The following ZEB2 variants were observed in gnomAD, a reference collection of about 807,000 sequenced individuals.
The protein encoded by ZEB2 is zinc finger E-box-binding homeobox 2.
A neutral mutation model predicts 99.9 loss-of-function variants in ZEB2; 6 were observed. The observed-to-expected ratio is 0.06, with a 90% CI of 0.03 to 0.12. The LOEUF is 0.12. Among genes scored for constraint, ZEB2 ranks in the 10% least tolerant of loss-of-function variants. The probability of loss-of-function intolerance (pLI) is 1.00; values close to 1 mark genes in which losing one functional copy is unlikely to be tolerated. For missense variants in ZEB2, 969 were observed against 1,502.8 expected, an observed-to-expected ratio of 0.64 and a Z score of 5.87; for synonymous variants, 517 against 542.5, an observed-to-expected ratio of 0.95 and a Z score of 0.65.
At chr2:144,477,019 C>T (rs950410839) in intron 2 of ZEB2, among the ~76,000 whole-genome samples, 3 of 152,124 alleles carry the variant, frequency 2.0e-5, no homozygotes, top group Non-Finnish European at 4.4e-5. Flanking sequence ...AAATATTGTT[C>T]TTAATAATAA....
At chr2:144,511,378 T>C (rs995736084) in intron 2 of ZEB2, 1 of 1,198,500 alleles carries the variant, frequency 8.3e-7, no homozygotes, top group Non-Finnish European at 1.1e-6. Flanking sequence ...ATAAAAACAC[T>C]ACAGAACACC....
intron 2 of ZEB2, chr2:144,462,836 C>T (rs543839369): frequency 1.9e-4 from 29 of 152,234 alleles, no homozygotes; most frequent in African/African-American, 5.8e-4. Flanking sequence ...GAAAGTGGCC[C>T]TCATGTATAA....
At chr2:144,479,448 G>T (rs1704476775) in intron 2 of ZEB2, among the ~76,000 whole-genome samples, 1 of 152,134 alleles carries the variant, frequency 6.6e-6, no homozygotes, top group Non-Finnish European at 1.5e-5. Context: ...AGGCTGTGCG[G>T]GTCCTGCCAG....
chr2:144,497,719 T>C (rs1255162641), intron 2 of ZEB2: 1 of 165,288 alleles, frequency 6.1e-6, no homozygotes, highest in East Asian at 2.0e-4. Context: ...AATCTAGTGC[T>C]GGGACAGGCA....
At chr2:144,436,494 A>C (rs1468717999) in intron 2 of ZEB2, among the ~76,000 whole-genome samples, 1 of 152,236 alleles carries the variant, frequency 6.6e-6, no homozygotes, top group Non-Finnish European at 1.5e-5. Flanking sequence ...GAATTTCTGC[A>C]ATGCCATGGT....
intron 2 of ZEB2, chr2:144,515,819 G>A (rs1384241216): frequency 6.6e-6 from 1 of 151,328 alleles, no homozygotes; most frequent in South Asian, 2.1e-4. Flanking sequence ...GAGAGAGAGA[G>A]AAAAGCATCA....
chr2:144,393,310 T>C (rs1056490934), intron 9 of ZEB2, among the ~76,000 whole-genome samples: 3 of 152,174 alleles, frequency 2.0e-5, no homozygotes, highest in African/African-American at 7.2e-5. Flanking sequence ...AGGAAATAAA[T>C]TGAGGCAAAA....
chr2:144,417,248 C>A (rs1056938431), intron 4 of ZEB2, among the ~76,000 whole-genome samples: 1 of 151,914 alleles, frequency 6.6e-6, no homozygotes, highest in Non-Finnish European at 1.5e-5. Flanking sequence ...TATCAACACC[C>A]CTAAAATTTT....
At chr2:144,475,699 A>G (rs900149464) in intron 2 of ZEB2, among the ~76,000 whole-genome samples, 6 of 152,186 alleles carry the variant, frequency 3.9e-5, no homozygotes, top group Non-Finnish European at 8.8e-5. Flanking sequence ...CCTCCTTAAA[A>G]AAAATTATTC....
At chr2:144,414,984 A>G (rs1703520367) in intron 4 of ZEB2, among the ~76,000 whole-genome samples, 2 of 150,208 alleles carry the variant, frequency 1.3e-5, no homozygotes, top group East Asian at 1.9e-4. Context: ...ATGTGTGTGT[A>G]GAAAATTTTT....
intron 2 of ZEB2, among the ~76,000 whole-genome samples, chr2:144,487,550 A>C (rs932524845): frequency 5.3e-5 from 8 of 152,368 alleles, no homozygotes; most frequent in African/African-American, 1.4e-4. Flanking sequence ...TTCATACTAA[A>C]AGGAATCCAC....
At chr2:144,404,264 C>T in intron 5 of ZEB2, 134 bp from the exon 6 acceptor site, 1 of 991,598 alleles carries the variant, frequency 1.0e-6, no homozygotes, top group Non-Finnish European at 1.5e-6. Flanking sequence ...ATCATTGCAC[C>T]CGGCCCCCTC....
At chr2:144,423,915 AT>A (rs111720576) in intron 4 of ZEB2, among the ~76,000 whole-genome samples, 15,441 of 149,436 alleles carry the variant, frequency 0.1, 899 homozygotes, top group East Asian at 0.15. Context: ...AAGTAGTTAC[AT>A]TTTTTTTTTG....
intron 4 of ZEB2, among the ~76,000 whole-genome samples, chr2:144,413,201 T>C (rs1285646218): frequency 1.3e-5 from 2 of 152,166 alleles, no homozygotes; most frequent in African/African-American, 2.4e-5. Flanking sequence ...AGCTTTCTGA[T>C]GGGGAAAACA....
At position 144,386,330 on chromosome 2, in the gene ZEB2, C is replaced by T. The variant is rs918215879; in HGVS notation, c.*3121G>A. ...ACAAATCAAAAGTTTTTATTTTTCC[C>T]TAGAGTTAGAGGATTATGCAGCCCT... On this transcript the variant is annotated 3_prime_UTR_variant, in exon 10 of 10. Transcript: ENST00000627532. 3 of 151,962 alleles carry T rather than the reference C, an allele frequency of 2.0e-5. No individual in the cohort carries two copies. The highest frequency in any genetic ancestry group is 7.3e-5 in the African/African-American group (3 of 41,356). 9.4% of individuals were successfully genotyped at this position (151,962 alleles called of 1,614,324 possible). A position where few individuals can be genotyped will look rare whatever the true frequency, so the allele number is the denominator to read the frequency against.
intron 2 of ZEB2, among the ~76,000 whole-genome samples, chr2:144,432,350 T>A (rs958534750): frequency 2.6e-5 from 4 of 152,202 alleles, no homozygotes; most frequent in Non-Finnish European, 4.4e-5. Context: ...CAGTATGCCA[T>A]CTTTTCTAGC....
intron 8 of ZEB2, chr2:144,397,922 T>C (rs1703252079): frequency 5.8e-6 from 2 of 347,598 alleles, no homozygotes; most frequent in Non-Finnish European, 1.1e-5. Flanking sequence ...ATTACAGGCA[T>C]GAGCCATCAC....
chr2:144,414,832 A>G (rs1449449150), intron 4 of ZEB2, among the ~76,000 whole-genome samples: 1 of 152,178 alleles, frequency 6.6e-6, no homozygotes, highest in Non-Finnish European at 1.5e-5. Flanking sequence ...CCATTTGAAC[A>G]GGCCCTACAT....
At chr2:144,517,484 C>T (rs1034715208) in intron 1 of ZEB2, 65 bp from the exon 2 acceptor site, 1 of 1,126,418 alleles carries the variant, frequency 8.9e-7, no homozygotes, top group Non-Finnish European at 1.3e-6. Context: ...CGCGGGCCGC[C>T]CAGGGGAGCC....
Sources: gnomAD v4.1 joint callset for allele counts (sites outside exome capture counted in the v4.1 genomes callset) on GRCh38, gnomAD v4.1.1 for gene constraint, MANE v1.5 for transcripts, NCBI Gene and HGNC (gene_info 2026-07-23, HGNC 2026-07-21) for gene names.